Variants in ATP6V1A observed in about 807,000 individuals in gnomAD.
The protein encoded by ATP6V1A is V-type proton ATPase catalytic subunit A.
ATP6V1A carries 18 observed loss-of-function variants against 70.1 expected under a neutral mutation model. That is an observed-to-expected ratio of 0.26 (90% CI 0.18 to 0.38). ATP6V1A has a LOEUF of 0.38. Among genes scored for constraint, ATP6V1A ranks in the 10% least tolerant of loss-of-function variants. ATP6V1A has a pLI of 1.00. For synonymous variants in ATP6V1A, 232 were observed against 253.8 expected (o/e 0.91, Z 0.82); for missense variants, 424 against 772.4 (o/e 0.55, Z 5.35).
chr3:113,752,694 C>T (rs1013145741), intron 1 of ATP6V1A, among the ~76,000 whole-genome samples: 9 of 151,922 alleles, frequency 5.9e-5, no homozygotes, highest in Admixed American at 4.6e-4. Context: ...CAGAGTAAAT[C>T]TCAGTATATA....
chr3:113,784,482 A>G lies in ATP6V1A; in HGVS notation c.426+44A>G, dbSNP rs1248497423. The stretch of plus-strand genomic sequence containing the variant: ...GAATTTCTGAAGTTATTGAAAGAAT[A>G]TAAAATGAATGTTTAGTAAACTACA... On this transcript the variant is annotated intron_variant, in intron 4 of 14. Transcript: ENST00000273398. The G allele has an allele frequency of 2.0e-6, 3 of 1,530,338 alleles. No individual in the cohort carries two copies. The highest frequency in any genetic ancestry group is 1.4e-5 in the African/African-American group (1 of 72,608). 94.8% of individuals were successfully genotyped at this position (1,530,338 alleles called of 1,614,324 possible).
At chr3:113,771,429 C>CTTTTTTTTTTTTTTTTTTTTTTTTTTT (rs772278685) in intron 1 of ATP6V1A, among the ~76,000 whole-genome samples, 1 of 112,596 alleles carries the variant, frequency 8.9e-6, no homozygotes. Flanking sequence ...ATATTTTTCT[C>CTTTTTTTTTTTTTTTTTTTTTTTTTTT]TTTTTTTTTT....
intron 1 of ATP6V1A, among the ~76,000 whole-genome samples, chr3:113,764,470 A>G (rs1708744275): frequency 6.6e-6 from 1 of 152,216 alleles, no homozygotes; most frequent in Non-Finnish European, 1.5e-5. Context: ...TTGGGAAATA[A>G]TGTCAATCAT....
rs1709267561 is a variant in ATP6V1A, at chr3:113,805,590, G to A, written c.1761+65G>A. 6.2e-6 allele frequency: 9 copies of A among 1,441,668 alleles called. No homozygotes were observed. In the Admixed American group the frequency reaches 1.8e-4, roughly 29 times the overall value. 89.3% of individuals were successfully genotyped at this position (1,441,668 alleles called of 1,614,324 possible). On this transcript the variant is annotated intron_variant, in intron 14 of 14. Transcript: ENST00000273398. ...TGCTTCTTTTTTTCTTTTTTTTTTA[G>A]ACAGAGTCTCACTCTGTTGCGAGGC...
At chr3:113,800,135 G>A (rs1709194410) in intron 12 of ATP6V1A, among the ~76,000 whole-genome samples, 1 of 151,928 alleles carries the variant, frequency 6.6e-6, no homozygotes, top group Non-Finnish European at 1.5e-5. Context: ...GAGAGGCTGA[G>A]GCAGGAGAAC....
chr3:113,782,603 C>CACGT (rs1708991877), intron 3 of ATP6V1A, among the ~76,000 whole-genome samples: 1 of 127,722 alleles, frequency 7.8e-6, no homozygotes, highest in African/African-American at 3.1e-5. Flanking sequence ...TATATATATA[C>CACGT]ATATATATAT....
At chr3:113,748,210 A>G (rs756791489) in intron 1 of ATP6V1A, among the ~76,000 whole-genome samples, 2 of 152,168 alleles carry the variant, frequency 1.3e-5, no homozygotes, top group South Asian at 2.1e-4. Context: ...TTGTTGTCCA[A>G]TTGAAAATAC....
chr3:113,779,964 T>TA (rs1708960834), intron 2 of ATP6V1A, among the ~76,000 whole-genome samples: 1 of 152,196 alleles, frequency 6.6e-6, no homozygotes, highest in African/African-American at 2.4e-5. Context: ...ATCAACCTGT[T>TA]ACCTAGGTTT....
At chr3:113,789,498 T>G (rs1296585576) in intron 7 of ATP6V1A, among the ~76,000 whole-genome samples, 9 of 152,184 alleles carry the variant, frequency 5.9e-5, no homozygotes, top group East Asian at 1.9e-4. Context: ...TATAGTAGTA[T>G]TTCTTTTTTC....
At chr3:113,767,697 G>C (rs1490664487) in intron 1 of ATP6V1A, among the ~76,000 whole-genome samples, 1 of 151,932 alleles carries the variant, frequency 6.6e-6, no homozygotes, top group Non-Finnish European at 1.5e-5. Flanking sequence ...TGTCGCCCAG[G>C]CTGGAGTGCA....
intron 1 of ATP6V1A, among the ~76,000 whole-genome samples, chr3:113,771,738 C>CT (rs1242454031): frequency 1.3e-5 from 2 of 151,816 alleles, no homozygotes; most frequent in South Asian, 4.2e-4. Context: ...CGCCCGGCCT[C>CT]TTTTTTTCTT....
At chr3:113,777,559 C>T (rs1483707368) in intron 1 of ATP6V1A, among the ~76,000 whole-genome samples, 3 of 152,040 alleles carry the variant, frequency 2.0e-5, no homozygotes, top group Non-Finnish European at 4.4e-5. Flanking sequence ...AGTTTAAGAC[C>T]GGCCTAGGCA....
intron 5 of ATP6V1A, 56 bp downstream of exon 5, chr3:113,784,889 G>T: frequency 6.4e-7 from 1 of 1,556,060 alleles, no homozygotes; most frequent in East Asian, 2.3e-5. Flanking sequence ...TATGATAGCT[G>T]CCCAGTTTTA....
chr3:113,783,020 C>T (rs1410170579), intron 3 of ATP6V1A, among the ~76,000 whole-genome samples: 2 of 151,982 alleles, frequency 1.3e-5, no homozygotes, highest in Non-Finnish European at 2.9e-5. Context: ...ACTGGGAGTC[C>T]ACTGTAAAAT....
chr3:113,778,945 G>C (rs1708948871), intron 2 of ATP6V1A, 110 bp downstream of exon 2: 2 of 749,460 alleles, frequency 2.7e-6, no homozygotes, highest in Non-Finnish European at 4.0e-6. Context: ...CATAAATTCT[G>C]TTTGTCCTTA....
chr3:113,794,016 A>G (rs973937127), intron 8 of ATP6V1A, among the ~76,000 whole-genome samples: 1 of 152,056 alleles, frequency 6.6e-6, no homozygotes, highest in African/African-American at 2.4e-5. Context: ...TTCCATTTTT[A>G]ATAGGTTAGG....
Position 113,796,779 on chromosome 3 carries a change from A to G in ATP6V1A, c.1290+840A>G, listed in dbSNP as rs140119629. Among the ~76,000 whole-genome samples the G allele has an allele frequency of 3.9e-5, 6 of 152,368 alleles. No homozygotes were observed. In the East Asian group the frequency reaches 1.2e-3, roughly 29 times the overall value. On this transcript the variant is annotated intron_variant, in intron 11 of 14. Transcript: ENST00000273398. Reference sequence around the variant, plus strand: ...ACTCTCAAGCTTTTTAACGTTTGCTAAAATTTTGAGTTTTAAATTATGGGG... The same window carrying G: ...ACTCTCAAGCTTTTTAACGTTTGCTGAAATTTTGAGTTTTAAATTATGGGG...
chr3:113,806,102 G>A (rs987042384), intron 14 of ATP6V1A, among the ~76,000 whole-genome samples: 8 of 151,990 alleles, frequency 5.3e-5, no homozygotes, highest in South Asian at 2.1e-4. Flanking sequence ...TCGAAATCCC[G>A]TCTCTACAAA....
chr3:113,763,547 C>T (rs763082059), intron 1 of ATP6V1A, among the ~76,000 whole-genome samples: 6 of 152,204 alleles, frequency 3.9e-5, no homozygotes, highest in East Asian at 1.9e-4. Flanking sequence ...TGTCATTCTA[C>T]GAGTTCAGAG....
Sources: gnomAD v4.1 joint callset for allele counts (sites outside exome capture counted in the v4.1 genomes callset) on GRCh38, gnomAD v4.1.1 for gene constraint, MANE v1.5 for transcripts, NCBI Gene and HGNC (gene_info 2026-07-23, HGNC 2026-07-21) for gene names.